KMT2C: variants seen among roughly 807,000 people sequenced by gnomAD.
KMT2C encodes lysine methyltransferase 2C.
In KMT2C, 88 loss-of-function variants were observed where a neutral mutation model predicts 507.9. The ratio of observed to expected loss-of-function variants is 0.17; its 90% CI spans 0.15 to 0.21. The LOEUF (loss-of-function observed/expected upper bound fraction) is 0.21. KMT2C is among the 10% of genes least tolerant of loss of function. The pLI, the probability that KMT2C is intolerant of heterozygous loss-of-function variation, is 1.00. For missense variants in KMT2C, 4,954 were observed against 5,957.8 expected, an observed-to-expected ratio of 0.83 and a Z score of 5.55; for synonymous variants, 2,049 against 2,080.8, an observed-to-expected ratio of 0.98 and a Z score of 0.42.
intron 1 of KMT2C, among the ~76,000 whole-genome samples, chr7:152,435,013 T>C (rs915000007): frequency 6.6e-6 from 1 of 151,808 alleles, no homozygotes; most frequent in African/African-American, 2.4e-5. Context: ...GTGCTGGGTG[T>C]TGGGGGAGGG....
chr7:152,176,195 A>T lies in KMT2C; in HGVS notation c.9258T>A (p.Asn3086Lys). 6.3e-7 allele frequency: 1 copy of T among 1,593,164 alleles called. No homozygotes were observed. The highest frequency in any genetic ancestry group is 1.7e-4 in the Middle Eastern group (1 of 5,922). Residue 3086 changes from asparagine (N) to lysine (K), a missense_variant, in exon 38 of 59, where the codon AAT becomes AAA. By Grantham distance (94) the Asn-to-Lys change is moderately conservative (BLOSUM62 0). Coordinates refer to ENST00000262189, the MANE Select transcript of KMT2C (RefSeq NM_170606.3). Reference sequence around the variant, plus strand: ...GAGACTCAAGAAAACTCCTACCAATATTAGGGAAGAACGGTTCTGATCGCT... The same window carrying T: ...GAGACTCAAGAAAACTCCTACCAATTTTAGGGAAGAACGGTTCTGATCGCT... ...IRQRSEPFFP[N>K]IDFDAITDPI...
chr7:152,280,696 G>T (rs78380059), intron 6 of KMT2C, among the ~76,000 whole-genome samples: 1 of 152,170 alleles, frequency 6.6e-6, no homozygotes, highest in Non-Finnish European at 1.5e-5. Flanking sequence ...GAGAGCACAG[G>T]TGAGCCTACC....
chr7:152,160,951 A>G (rs2129102848), intron 43 of KMT2C, among the ~76,000 whole-genome samples: 1 of 152,286 alleles, frequency 6.6e-6, no homozygotes, highest in Non-Finnish European at 1.5e-5. Context: ...AGATGACTCA[A>G]GAACTGCATT....
At chr7:152,307,595 T>C (rs1055738892) in intron 6 of KMT2C, among the ~76,000 whole-genome samples, 2 of 152,130 alleles carry the variant, frequency 1.3e-5, no homozygotes, top group South Asian at 4.1e-4. Flanking sequence ...CACCAAATTC[T>C]AATGCCTAAA....
chr7:152,181,610 T>C lies in KMT2C; in HGVS notation c.6250A>G (p.Asn2084Asp). Residue 2084 changes from asparagine (N) to aspartate (D), a missense_variant, in exon 36 of 59, where the codon AAT becomes GAT. Coordinates refer to ENST00000262189, the MANE Select transcript of KMT2C (RefSeq NM_170606.3). ...RPALTPRPID[N>D]FSHNQSNDPY... ...TCATTTGACTGATTATGAGAAAAAT[T>C]ATCTATAGGTCTTGGTGTCAAAGCA... is the stretch of plus-strand genomic sequence containing the variant. The C allele has an allele frequency of 1.2e-6, 2 of 1,613,956 alleles. No homozygotes were observed. The highest frequency in any genetic ancestry group is 1.7e-6 in the Non-Finnish European group (2 of 1,179,966).
chr7:152,352,977 G>A (rs10274359), intron 2 of KMT2C, among the ~76,000 whole-genome samples: 21,077 of 152,102 alleles, frequency 0.14, 3,835 homozygotes, highest in African/African-American at 0.42. Context: ...GCTAATTATA[G>A]TTAATGAAAA....
At chr7:152,183,392 C>G (rs984561523) in intron 34 of KMT2C, among the ~76,000 whole-genome samples, 1 of 152,042 alleles carries the variant, frequency 6.6e-6, no homozygotes, top group African/African-American at 2.4e-5. Flanking sequence ...GCTTAAAGAT[C>G]CTAGGTGTGA....
intron 6 of KMT2C, among the ~76,000 whole-genome samples, chr7:152,304,008 A>G (rs890052251): frequency 1.4e-4 from 22 of 152,164 alleles, no homozygotes; most frequent in Middle Eastern, 3.4e-3. Flanking sequence ...AAAAAAAGAG[A>G]GAGAAGACAT....
intron 1 of KMT2C, among the ~76,000 whole-genome samples, chr7:152,400,609 T>C (rs750169014): frequency 1.3e-5 from 2 of 152,204 alleles, no homozygotes; most frequent in Non-Finnish European, 2.9e-5. Flanking sequence ...TTCAGCTTAA[T>C]TGCACTTGAA....
chr7:152,366,793 G>C (rs190780325), intron 1 of KMT2C: 1 of 212,646 alleles, frequency 4.7e-6, no homozygotes, highest in Non-Finnish European at 9.3e-6. Flanking sequence ...CAGCCCTTCC[G>C]TGTCCGCAGG....
rs200158388 is a variant in KMT2C, at chr7:152,239,404, C to T, written c.2533-578G>A. ...TACCATTATAATCTAAGCATTTAAT[C>T]ACTCTTTCTTCAGTGACCATTAGTT... On this transcript the variant is annotated intron_variant, in intron 14 of 58. Transcript: ENST00000262189. Among the ~76,000 whole-genome samples the T allele has an allele frequency of 2.6e-5, 4 of 152,274 alleles. No individual in the cohort carries two copies. The East Asian group carries it at 7.7e-4, about 29-fold the overall frequency.
At chr7:152,290,075 CA>C (rs1267669166) in intron 6 of KMT2C, among the ~76,000 whole-genome samples, 3,267 of 147,938 alleles carry the variant, frequency 0.022, 39 homozygotes, top group Non-Finnish European at 0.033. Flanking sequence ...AACAAACAAA[CA>C]AAAACAACCG....
intron 6 of KMT2C, among the ~76,000 whole-genome samples, chr7:152,288,299 C>T (rs917425382): frequency 6.7e-6 from 1 of 149,654 alleles, no homozygotes; most frequent in African/African-American, 2.5e-5. Context: ...TTTGGGAGGC[C>T]GAGATGGGTG....
At chr7:152,252,862 T>C in intron 9 of KMT2C, 147 bp from the exon 10 acceptor site, 1 of 616,416 alleles carries the variant, frequency 1.6e-6, no homozygotes, top group South Asian at 2.3e-5. Context: ...GTACATGCTT[T>C]TTTTTTTTGA....
At chr7:152,201,615 A>G (rs547541755) in intron 26 of KMT2C, among the ~76,000 whole-genome samples, 48 of 129,740 alleles carry the variant, frequency 3.7e-4, no homozygotes, top group African/African-American at 1.4e-3. Flanking sequence ...AACAACAAAG[A>G]TGAAAAAAAA....
intron 9 of KMT2C, among the ~76,000 whole-genome samples, chr7:152,262,486 G>A (rs772407582): frequency 6.6e-6 from 1 of 152,188 alleles, no homozygotes; most frequent in Non-Finnish European, 1.5e-5. Flanking sequence ...GAAGCCAAGT[G>A]AGGTAGGAAG....
Position 152,154,068 on chromosome 7 carries a change from T to C in KMT2C, c.12218A>G (p.Asn4073Ser). The C allele has an allele frequency of 1.2e-6, 2 of 1,614,124 alleles. No individual in the cohort carries two copies. The highest frequency in any genetic ancestry group is 1.7e-6 in the Non-Finnish European group (2 of 1,179,970). Residue 4073 changes from asparagine (N) to serine (S), a missense_variant, in exon 48 of 59, where the codon AAT becomes AGT. Physicochemically the swap from Asn to Ser is conservative, Grantham distance 46. Around this residue, in one of 29 missense-constraint regions of KMT2C, gnomAD observed 417 missense variants for 461.1 expected, o/e 0.90. Coordinates refer to ENST00000262189, the MANE Select transcript of KMT2C (RefSeq NM_170606.3). ...YFASPFGPSPNGPRSGLISVA... is the reference protein window; with the variant it reads ...YFASPFGPSPSGPRSGLISVA... ...AGATATAAGACCTGATCTGGGACCA[T>C]TTGGGGAAGGACCAAAAGGTGACGC...
intron 2 of KMT2C, among the ~76,000 whole-genome samples, chr7:152,344,903 C>A (rs562287035): frequency 2.6e-5 from 4 of 152,082 alleles, no homozygotes; most frequent in African/African-American, 9.7e-5. Context: ...AGGAGAATGG[C>A]GTGAACCCAG....
At chr7:152,183,657 G>A (rs1420649951) in intron 34 of KMT2C, among the ~76,000 whole-genome samples, 1 of 152,148 alleles carries the variant, frequency 6.6e-6, no homozygotes, top group Non-Finnish European at 1.5e-5. Flanking sequence ...AGTACTTTGG[G>A]AGGCTGAGGC....
Sources: allele counts gnomAD v4.1 joint callset (sites outside exome capture counted in the v4.1 genomes callset), GRCh38; gene constraint gnomAD v4.1.1; regional missense constraint gnomAD v4.1.1; transcripts MANE v1.5; gene names NCBI Gene and HGNC (gene_info 2026-07-23, HGNC 2026-07-21).